Variants in LSAMP observed in about 807,000 individuals in gnomAD.
LSAMP encodes the protein limbic system associated membrane protein, also known as limbic system-associated membrane protein.
Under a neutral mutation model 38.6 loss-of-function variants are expected in LSAMP, and 7 were observed. The observed-to-expected ratio is 0.18, with a 90% CI of 0.10 to 0.34. LSAMP has a LOEUF of 0.34. LSAMP is among the 10% of genes least tolerant of loss of function. The pLI, the probability that LSAMP is intolerant of heterozygous loss-of-function variation, is 1.00. For missense variants in LSAMP, 313 were observed against 420.0 expected (o/e 0.75, Z 2.23); for synonymous variants, 154 against 166.8 (o/e 0.92, Z 0.59).
intron 3 of LSAMP, among the ~76,000 whole-genome samples, chr3:115,914,354 C>A (rs780979185): frequency 6.6e-6 from 1 of 152,210 alleles, no homozygotes; most frequent in Non-Finnish European, 1.5e-5. Context: ...TCTCATCCCG[C>A]ACCACCTCAA....
At chr3:116,393,338 G>A (rs2048727591) in intron 1 of LSAMP, among the ~76,000 whole-genome samples, 1 of 152,298 alleles carries the variant, frequency 6.6e-6, no homozygotes, top group African/African-American at 2.4e-5. Context: ...GGTGCCAGCT[G>A]GGTAAACGGC....
chr3:115,900,744 GA>G (rs1936854372), intron 3 of LSAMP, among the ~76,000 whole-genome samples: 1 of 152,026 alleles, frequency 6.6e-6, no homozygotes, highest in Admixed American at 6.6e-5. Context: ...GAGAAATGTT[GA>G]CAGTGAAAGA....
In LSAMP at chr3:115,802,586, A is replaced by G. The variant is rs988822775; in HGVS notation, c.*7731T>C. 8 of 151,698 alleles carry G rather than the reference A, an allele frequency of 5.3e-5. No individual in the cohort carries two copies. Among genetic ancestry groups the G allele is most frequent in the Non-Finnish European group, 1.0e-4 (7 of 67,972 alleles). 9.4% of individuals were successfully genotyped at this position (151,698 alleles called of 1,614,324 possible). A position where few individuals can be genotyped will look rare whatever the true frequency, so the allele number is the denominator to read the frequency against. ...TCCTTCACAGAGCTAGTACCCAGGG[A>G]AAAAAATCCACCTAATAAACAAAAA... On this transcript the variant is annotated 3_prime_UTR_variant, in exon 7 of 7. Coordinates refer to ENST00000490035, the MANE Select transcript of LSAMP (RefSeq NM_002338.5).
chr3:116,103,482 A>AAAG (rs1553703982), intron 1 of LSAMP, among the ~76,000 whole-genome samples: 3 of 150,166 alleles, frequency 2.0e-5, no homozygotes, highest in African/African-American at 7.3e-5. Context: ...AAAAAAAAAA[A>AAAG]AAAAAAGAAA....
chr3:115,974,452 G>A (rs1939120209), intron 3 of LSAMP, among the ~76,000 whole-genome samples: 1 of 152,138 alleles, frequency 6.6e-6, no homozygotes, highest in East Asian at 1.9e-4. Context: ...CAATCGAGCT[G>A]TATTGAGCCA....
At chr3:115,995,770 C>T (rs780714456) in intron 3 of LSAMP, among the ~76,000 whole-genome samples, 1 of 151,980 alleles carries the variant, frequency 6.6e-6, no homozygotes, top group Admixed American at 6.6e-5. Flanking sequence ...TACATTTGAT[C>T]CCCAATGACT....
At chr3:115,967,759 A>G (rs1456270135) in intron 3 of LSAMP, among the ~76,000 whole-genome samples, 8 of 151,770 alleles carry the variant, frequency 5.3e-5, no homozygotes, top group Non-Finnish European at 2.9e-5. Flanking sequence ...GGAAACTCCC[A>G]TTTTTAAAAC....
At chr3:116,218,381 C>T (rs563011590) in intron 1 of LSAMP, among the ~76,000 whole-genome samples, 36 of 152,276 alleles carry the variant, frequency 2.4e-4, no homozygotes, top group African/African-American at 8.7e-4. Context: ...TACAGCAACA[C>T]TGGGTTTTTT....
At chr3:115,911,010 T>G (rs1000958260) in intron 3 of LSAMP, among the ~76,000 whole-genome samples, 15 of 152,186 alleles carry the variant, frequency 9.9e-5, no homozygotes, top group Admixed American at 2.6e-4. Context: ...CTTGAGAAGA[T>G]GATAGCCTAA....
At chr3:116,374,446 T>A (rs2048469344) in intron 1 of LSAMP, among the ~76,000 whole-genome samples, 1 of 151,916 alleles carries the variant, frequency 6.6e-6, no homozygotes, top group Admixed American at 6.6e-5. Flanking sequence ...ATAAGCTTAA[T>A]AAGTATTATG....
At chr3:115,935,388 A>T (rs1937666129) in intron 3 of LSAMP, among the ~76,000 whole-genome samples, 2 of 152,160 alleles carry the variant, frequency 1.3e-5, no homozygotes, top group South Asian at 4.1e-4. Flanking sequence ...GAGAGAGTCA[A>T]GTGGAATGAA....
chr3:116,432,225 C>T (rs775388301), intron 1 of LSAMP, among the ~76,000 whole-genome samples: 7 of 151,748 alleles, frequency 4.6e-5, no homozygotes, highest in Non-Finnish European at 7.4e-5. Flanking sequence ...TAAAGTGTGA[C>T]GTGACCCAAG....
Position 116,019,574 on chromosome 3 carries a change from A to T in LSAMP, c.455T>A (p.Val152Asp). Residue 152 changes from valine (V) to aspartate (D), a missense_variant, in exon 3 of 7, where the codon GTC becomes GAC. Coordinates refer to ENST00000490035, the MANE Select transcript of LSAMP (RefSeq NM_002338.5). ...TTCAGGACGGCCATTGGCCATGCAG[A>T]CCAGAGTCACGTTGCTGCCCTCATT... Reference protein sequence around the residue: ...TVNEGSNVTLVCMANGRPEPV... With the variant: ...TVNEGSNVTLDCMANGRPEPV... 6.2e-7 allele frequency: 1 copy of T among 1,613,172 alleles called. No individual in the cohort carries two copies. Among genetic ancestry groups the T allele is most frequent in the Non-Finnish European group, 8.5e-7 (1 of 1,179,252 alleles).
intron 4 of LSAMP, among the ~76,000 whole-genome samples, chr3:115,845,792 C>T (rs1935139967): frequency 6.6e-6 from 1 of 152,206 alleles, no homozygotes; most frequent in Non-Finnish European, 1.5e-5. Flanking sequence ...ACCTGAATTA[C>T]TAAGCAGCAA....
intron 6 of LSAMP, among the ~76,000 whole-genome samples, chr3:115,840,170 T>G (rs1429684806): frequency 6.6e-6 from 1 of 152,184 alleles, no homozygotes; most frequent in Admixed American, 6.5e-5. Context: ...AGAAAGAAAA[T>G]ATACTTTAAT....
intron 1 of LSAMP, among the ~76,000 whole-genome samples, chr3:116,135,809 T>G (rs1051244593): frequency 6.6e-6 from 1 of 152,206 alleles, no homozygotes; most frequent in Non-Finnish European, 1.5e-5. Flanking sequence ...CAAATGAGAT[T>G]GAAGATAATG....
intron 1 of LSAMP, among the ~76,000 whole-genome samples, chr3:116,155,027 GT>G (rs1401782749): frequency 7.1e-6 from 1 of 140,406 alleles, no homozygotes; most frequent in Non-Finnish European, 1.6e-5. Flanking sequence ...GGTTTTTTTT[GT>G]TTTTTGTTTT....
intron 1 of LSAMP, among the ~76,000 whole-genome samples, chr3:116,172,097 T>G (rs1370086424): frequency 1.3e-5 from 2 of 151,930 alleles, no homozygotes; most frequent in Non-Finnish European, 2.9e-5. Flanking sequence ...TCCAAAAGGT[T>G]AAATAAATAA....
intron 1 of LSAMP, among the ~76,000 whole-genome samples, chr3:116,319,729 G>A (rs970139561): frequency 6.6e-6 from 1 of 151,700 alleles, no homozygotes; most frequent in Non-Finnish European, 1.5e-5. Flanking sequence ...ACTGTTCAGA[G>A]GTAAATGCTC....
Sources: allele counts gnomAD v4.1 joint callset (sites outside exome capture counted in the v4.1 genomes callset), GRCh38; gene constraint gnomAD v4.1.1; transcripts MANE v1.5; gene names NCBI Gene and HGNC (gene_info 2026-07-23, HGNC 2026-07-21).